The following CYFIP1 variants were observed in gnomAD, a reference collection of about 807,000 sequenced individuals.
CYFIP1 encodes cytoplasmic FMR1-interacting protein 1.
CYFIP1 carries 58 observed loss-of-function variants against 163.5 expected under a neutral mutation model. The observed-to-expected ratio is 0.35, with a 90% confidence interval of 0.29 to 0.44. The LOEUF is 0.44. Ranked by LOEUF, CYFIP1 falls within the 20% of genes least tolerant of loss-of-function variation. The pLI is 1.00. For synonymous variants in CYFIP1, 663 were observed against 660.7 expected (o/e 1.00, Z -0.05); for missense variants, 1,338 against 1,653.8 (o/e 0.81, Z 3.31).
intron 22 of CYFIP1, among the ~76,000 whole-genome samples, chr15:22,896,131 G>C (rs2060229072): frequency 6.6e-6 from 1 of 152,164 alleles, no homozygotes; most frequent in African/African-American, 2.4e-5. Context: ...AGCAAAGGCA[G>C]TCTTGTGGAG....
Position 22,918,785 on chromosome 15 carries a change from T to C in CYFIP1, c.1433A>G (p.His478Arg). 6.2e-7 allele frequency: 1 copy of C among 1,613,648 alleles called. No individual in the cohort carries two copies. The highest frequency in any genetic ancestry group is 1.7e-5 in the Admixed American group (1 of 59,966). The stretch of plus-strand genomic sequence containing the variant: ...GTCCTGCAGTGCGGCATAGACGGTG[T>C]GCCGGATGGCGTGGTTGAACACGCT... ...MESVFNHAIR[H>R]TVYAALQDFS... Residue 478 changes from histidine to arginine, a missense_variant, in exon 14 of 31, where the codon CAC (histidine) becomes CGC (arginine). Transcript: ENST00000617928.
chr15:22,874,890 G>C (rs1423918714), intron 27 of CYFIP1, among the ~76,000 whole-genome samples: 1 of 151,938 alleles, frequency 6.6e-6, no homozygotes, highest in Non-Finnish European at 1.5e-5. Flanking sequence ...GCAGAAAATG[G>C]CACAATGAGC....
Position 22,909,396 on chromosome 15 carries a change from A to G in CYFIP1, c.2269-83T>C, listed in dbSNP as rs1430729939. 6 of 1,559,176 alleles carry G rather than the reference A, an allele frequency of 3.8e-6. No homozygotes were observed. In the African/African-American group the frequency reaches 6.8e-5, roughly 18 times the overall value. ...ACAAACGCCTCACCAGAGACCCTGGAGAAGCTGGTCTGTCAATAACGACAC... is the reference window on the plus strand; with the variant it reads ...ACAAACGCCTCACCAGAGACCCTGGGGAAGCTGGTCTGTCAATAACGACAC... On this transcript the variant is annotated intron_variant, in intron 20 of 30. Coordinates refer to ENST00000617928, the MANE Select transcript of CYFIP1 (RefSeq NM_014608.6).
At chr15:22,883,068 G>A (rs751950571) in intron 23 of CYFIP1, 57 bp from the exon 24 acceptor site, 87 of 1,579,922 alleles carry the variant, frequency 5.5e-5, no homozygotes, top group Non-Finnish European at 7.3e-5. Flanking sequence ...TGCAGATGAA[G>A]AACTGTGTGA....
At position 22,918,974 on chromosome 15, in the gene CYFIP1, G is replaced by A. The variant is rs143043400; in HGVS notation, c.1360-116C>T. 938 of 783,260 alleles carry A rather than the reference G, an allele frequency of 1.2e-3. 2 individuals carry two copies. The highest frequency in any genetic ancestry group is 3.9e-3 in the Middle Eastern group (10 of 2,552). 48.5% of individuals were successfully genotyped at this position (783,260 alleles called of 1,614,324 possible). ...CCCACAGCACCTTACGCCCTCCCGC[G>A]TTCGTGCCCTGCAGCTGCCCTGCCC... On this transcript the variant is annotated intron_variant, in intron 13 of 30. Transcript: ENST00000617928.
chr15:22,879,762 TAA>T lies in CYFIP1; in HGVS notation c.3042+149_3042+150del, dbSNP rs2059696072. 3.0e-5 allele frequency: 18 copies of T among 603,698 alleles called. No individual in the cohort carries two copies. The Admixed American group carries it at 5.5e-4, about 18-fold the overall frequency. The allele number at this position is 603,698 out of a possible 1,614,324, so 37.4% of individuals were successfully genotyped here. A position where few individuals can be genotyped will look rare whatever the true frequency, so the allele number is the denominator to read the frequency against. On this transcript the variant is annotated intron_variant, in intron 26 of 30. Transcript: ENST00000617928. ...TCAATTGAAGGGAACAAATTCAAAC[TAA>T]AGTCTCAACAGCCACAAAAAAAAAA...
At position 22,873,732 on chromosome 15, in the gene CYFIP1, G is replaced by A. The variant is rs111268406; in HGVS notation, c.3211-3C>T. 5.0e-6 allele frequency: 8 copies of A among 1,609,916 alleles called. No individual in the cohort carries two copies. Among genetic ancestry groups the A allele is most frequent in the Non-Finnish European group, 6.8e-6 (8 of 1,176,992 alleles). ...CCCTCTCTTGCGATGGCAATTTGCT[G>A]CAGAAAGGACAAGCCGTGGAATGCC... is the stretch of plus-strand genomic sequence containing the variant. On this transcript the variant is annotated splice_polypyrimidine_tract_variant and splice_region_variant and intron_variant, in intron 28 of 30. Coordinates refer to ENST00000617928, the MANE Select transcript of CYFIP1 (RefSeq NM_014608.6).
chr15:22,892,842 GCTT>G (rs1266495149), intron 23 of CYFIP1, 45 bp downstream of exon 23: 2 of 1,375,650 alleles, frequency 1.5e-6, no homozygotes, highest in Non-Finnish European at 2.1e-6. Context: ...TTCAAAACAT[GCTT>G]CATTATGAGC....
intron 1 of CYFIP1, among the ~76,000 whole-genome samples, chr15:22,949,729 T>A (rs1027956654): frequency 6.6e-5 from 10 of 152,006 alleles, no homozygotes; most frequent in Non-Finnish European, 1.5e-4. Context: ...AGGGGAAACC[T>A]GGATGGGGTA....
At chr15:22,971,676 CAA>C (rs34402750) in intron 1 of CYFIP1, among the ~76,000 whole-genome samples, 2 of 133,450 alleles carry the variant, frequency 1.5e-5, no homozygotes. Context: ...AACTCTGTCT[CAA>C]AAAAAAAAAG....
chr15:22,878,405 C>T (rs1320857952), intron 26 of CYFIP1, among the ~76,000 whole-genome samples: 1 of 152,058 alleles, frequency 6.6e-6, no homozygotes, highest in East Asian at 1.9e-4. Flanking sequence ...GAAAAGCTGG[C>T]AGATGGCAGG....
At chr15:22,911,760 T>A (rs1483022683) in intron 18 of CYFIP1, among the ~76,000 whole-genome samples, 2 of 152,136 alleles carry the variant, frequency 1.3e-5, no homozygotes, top group African/African-American at 4.8e-5. Context: ...AAGGTTCATC[T>A]CCTTAAATGT....
chr15:22,875,590 C>T, intron 26 of CYFIP1: 1 of 244,836 alleles, frequency 4.1e-6, no homozygotes, highest in South Asian at 6.5e-5. Flanking sequence ...GCTCTGTTTT[C>T]CAGGATTTAC....
In CYFIP1 at chr15:22,933,560, C is replaced by T. The variant is rs185898070; in HGVS notation, c.992+242G>A. Among the ~76,000 whole-genome samples the T allele has an allele frequency of 4.3e-3, 659 of 152,054 alleles. 4 individuals carry two copies. The highest frequency in any genetic ancestry group is 0.017 in the Middle Eastern group (5 of 294). On this transcript the variant is annotated intron_variant, in intron 10 of 30. Coordinates refer to ENST00000617928, the MANE Select transcript of CYFIP1 (RefSeq NM_014608.6). Reference sequence around the variant, plus strand: ...CGATCTCCTGACCTCGTGATCCGCCCGCCTCGGCCTCCCAAAGTGCTGGGA... The same window carrying T: ...CGATCTCCTGACCTCGTGATCCGCCTGCCTCGGCCTCCCAAAGTGCTGGGA...
intron 17 of CYFIP1, 86 bp from the exon 18 acceptor site, chr15:22,912,361 T>TCC (rs2060816958): frequency 1.0e-6 from 1 of 999,538 alleles, no homozygotes; most frequent in Non-Finnish European, 1.5e-6. Flanking sequence ...GAAACTCAAC[T>TCC]CCATTTTCCA....
intron 1 of CYFIP1, among the ~76,000 whole-genome samples, chr15:22,966,270 G>A (rs2062901150): frequency 6.6e-6 from 1 of 151,876 alleles, no homozygotes; most frequent in African/African-American, 2.4e-5. Context: ...CTACTCAGAA[G>A]GCTGAGGCAG....
chr15:22,929,995 C>T (rs1386581009), intron 11 of CYFIP1, among the ~76,000 whole-genome samples: 4 of 151,676 alleles, frequency 2.6e-5, no homozygotes, highest in African/African-American at 7.3e-5. Flanking sequence ...ATTATGCTGG[C>T]GTCATTCACC....
chr15:22,881,510 G>A (rs976869157), intron 25 of CYFIP1, among the ~76,000 whole-genome samples: 7 of 152,054 alleles, frequency 4.6e-5, no homozygotes, highest in Non-Finnish European at 8.8e-5. Flanking sequence ...GCACCATCTC[G>A]GTGGGCCTGT....
intron 23 of CYFIP1, among the ~76,000 whole-genome samples, chr15:22,892,168 G>A (rs983710875): frequency 2.6e-5 from 4 of 152,342 alleles, no homozygotes; most frequent in South Asian, 2.1e-4. Flanking sequence ...CCCCAGCTCC[G>A]CTGAGGCTGG....
Sources: gnomAD v4.1 joint callset for allele counts (sites outside exome capture counted in the v4.1 genomes callset) on GRCh38, gnomAD v4.1.1 for gene constraint, MANE v1.5 for transcripts, NCBI Gene and HGNC (gene_info 2026-07-23, HGNC 2026-07-21) for gene names.